The following SMPD3 variants were observed in gnomAD, a reference collection of about 807,000 sequenced individuals.
SMPD3 encodes the protein sphingomyelin phosphodiesterase 3.
A neutral mutation model predicts 55.7 loss-of-function variants in SMPD3; 21 were observed. The observed-to-expected ratio is 0.38, with a 90% CI of 0.27 to 0.54. The LOEUF (loss-of-function observed/expected upper bound fraction) is 0.54, where lower values mean the gene tolerates loss of function less well. Ranked by LOEUF, SMPD3 falls within the 20% of genes least tolerant of loss-of-function variation. SMPD3 has a pLI of 0.80. For synonymous variants in SMPD3, 457 were observed against 404.3 expected (o/e 1.13, Z -1.56); for missense variants, 842 against 899.6 (o/e 0.94, Z 0.82).
At position 68,370,761 on chromosome 16, in the gene SMPD3, C is replaced by T. The variant is rs111346792; in HGVS notation, c.1323+98G>A. ...CTCCCACTCCAACCTCCCACTCCAG[C>T]CCCCATGACGATGAGGACTCCCCGC... is the stretch of plus-strand genomic sequence containing the variant. On this transcript the variant is annotated intron_variant, in intron 3 of 8. Transcript: ENST00000219334. The T allele has an allele frequency of 1.6e-3, 2,340 of 1,479,002 alleles. 16 individuals carry two copies. The Middle Eastern group carries it at 0.017, about 10-fold the overall frequency. 91.6% of individuals were successfully genotyped at this position (1,479,002 alleles called of 1,614,324 possible).
In SMPD3 at chr16:68,361,005, T is replaced by TG. The variant is rs894888174; in HGVS notation, c.*200dup. On this transcript the variant is annotated 3_prime_UTR_variant, in exon 9 of 9. Transcript: ENST00000219334. Reference sequence around the variant, plus strand: ...CACTGGTTAGGCAGCTGGAGGCTCCTGGGGCGGGCCTGACTCCTCTGTCCA... The same window carrying TG: ...CACTGGTTAGGCAGCTGGAGGCTCCTGGGGGCGGGCCTGACTCCTCTGTCCA... The TG allele has an allele frequency of 7.0e-6, 4 of 570,710 alleles. No homozygotes were observed. In the African/African-American group the frequency reaches 7.5e-5, roughly 11 times the overall value. The allele number at this position is 570,710 out of a possible 1,614,324, so 35.4% of individuals were successfully genotyped here.
At chr16:68,425,395 C>G (rs550026113) in intron 1 of SMPD3, among the ~76,000 whole-genome samples, 18 of 152,306 alleles carry the variant, frequency 1.2e-4, no homozygotes, top group African/African-American at 4.3e-4. Flanking sequence ...TCTCCTCCAG[C>G]TGGATGGTTC....
At chr16:68,428,284 G>A (rs1433172828) in intron 1 of SMPD3, among the ~76,000 whole-genome samples, 3 of 152,192 alleles carry the variant, frequency 2.0e-5, no homozygotes, top group Non-Finnish European at 2.9e-5. Flanking sequence ...GCAATAAACC[G>A]TGTATGATCA....
At chr16:68,414,104 T>C (rs1227312076) in intron 1 of SMPD3, among the ~76,000 whole-genome samples, 1 of 152,226 alleles carries the variant, frequency 6.6e-6, no homozygotes, top group African/African-American at 2.4e-5. Context: ...TCTGTTCCCA[T>C]AGTCTAACAG....
rs781342103 is a variant in SMPD3, at chr16:68,371,922, G to A, written c.260C>T (p.Pro87Leu). The change falls in exon 3 of 9, where the codon CCA (proline) becomes CTA (leucine). Residue 87 changes from proline (P) to leucine (L), a missense_variant. Physicochemically the swap from Pro to Leu is moderately conservative, Grantham distance 98. Around this residue, in one of 2 missense-constraint regions of SMPD3, gnomAD observed 193 missense variants for 256.0 expected, o/e 0.75. Transcript: ENST00000219334. ...FAFLGFLFWSPLQSARRPYIY... is the reference protein window; with the variant it reads ...FAFLGFLFWSLLQSARRPYIY... ...GTAGGGCCGGCGGGCCGACTGCAGT[G>A]GGGACCAGAAGAGAAAGCCGAGAAA... 6.2e-7 allele frequency: 1 copy of A among 1,611,524 alleles called. No individual in the cohort carries two copies. The highest frequency in any genetic ancestry group is 8.5e-7 in the Non-Finnish European group (1 of 1,179,590).
chr16:68,365,646 G>A (rs938276647), intron 3 of SMPD3, among the ~76,000 whole-genome samples: 1 of 152,090 alleles, frequency 6.6e-6, no homozygotes, highest in Admixed American at 6.5e-5. Context: ...TTTATAGGCC[G>A]TGGTCCCGTT....
intron 3 of SMPD3, 74 bp downstream of exon 3, chr16:68,370,785 G>A (rs970385432): frequency 5.7e-6 from 9 of 1,569,188 alleles, no homozygotes; most frequent in South Asian, 4.7e-5. Flanking sequence ...AGGACTCCCC[G>A]CTGCAGCCCC....
At position 68,384,174 on chromosome 16, in the gene SMPD3, C is replaced by T. The variant is rs568614722; in HGVS notation, c.-207+2424G>A. Among the ~76,000 whole-genome samples, 3 of 152,336 alleles carry T rather than the reference C, an allele frequency of 2.0e-5. No individual in the cohort carries two copies. The East Asian group carries it at 5.8e-4, about 29-fold the overall frequency. ...TCCTGGAGCTCCAGGGGCCCTGACCCGAGCAGTCCCCCACTGTGCCCTTCC... is the reference window on the plus strand; with the variant it reads ...TCCTGGAGCTCCAGGGGCCCTGACCTGAGCAGTCCCCCACTGTGCCCTTCC... On this transcript the variant is annotated intron_variant, in intron 2 of 8. Transcript: ENST00000219334.
chr16:68,379,136 T>C (rs1184502404), intron 2 of SMPD3, among the ~76,000 whole-genome samples: 2 of 152,258 alleles, frequency 1.3e-5, no homozygotes, highest in East Asian at 3.8e-4. Flanking sequence ...GCAAACCTCC[T>C]GTGGCTCCCC....
chr16:68,397,971 G>C (rs565192550), intron 1 of SMPD3, among the ~76,000 whole-genome samples: 3 of 149,284 alleles, frequency 2.0e-5, no homozygotes, highest in African/African-American at 4.8e-5. Context: ...CCACAGGGAG[G>C]AATATGCCCC....
chr16:68,402,635 G>A (rs1048878155), intron 1 of SMPD3, among the ~76,000 whole-genome samples: 3 of 152,026 alleles, frequency 2.0e-5, no homozygotes, highest in Non-Finnish European at 2.9e-5. Flanking sequence ...TGCCAGCCCC[G>A]ATGACCAACA....
intron 6 of SMPD3, 102 bp from the exon 7 acceptor site, chr16:68,363,661 G>T (rs2089385608): frequency 1.4e-5 from 20 of 1,440,236 alleles, no homozygotes; most frequent in Non-Finnish European, 1.9e-5. Context: ...CTAGCCAGGG[G>T]CAGCTGAATG....
intron 1 of SMPD3, among the ~76,000 whole-genome samples, chr16:68,421,157 C>T (rs1198733881): frequency 2.0e-5 from 3 of 152,174 alleles, no homozygotes; most frequent in African/African-American, 7.2e-5. Context: ...ACCAGCATGT[C>T]GGCACCAACT....
intron 1 of SMPD3, among the ~76,000 whole-genome samples, chr16:68,441,126 C>G (rs1294051565): frequency 3.3e-5 from 5 of 152,178 alleles, no homozygotes; most frequent in Non-Finnish European, 2.9e-5. Flanking sequence ...TAAGCTTCCT[C>G]CAATAGTAAT....
intron 1 of SMPD3, among the ~76,000 whole-genome samples, chr16:68,411,990 G>A (rs2090305349): frequency 6.6e-6 from 1 of 152,150 alleles, no homozygotes; most frequent in South Asian, 2.1e-4. Flanking sequence ...TGGCTGGGAG[G>A]CCAGCATGCC....
chr16:68,405,865 G>A (rs1045008676), intron 1 of SMPD3, among the ~76,000 whole-genome samples: 4 of 152,152 alleles, frequency 2.6e-5, no homozygotes, highest in Non-Finnish European at 4.4e-5. Flanking sequence ...AGCTGAGCCT[G>A]ATCCCTGGAG....
chr16:68,424,264 C>A lies in SMPD3; in HGVS notation c.-269+24089G>T, dbSNP rs530052168. On this transcript the variant is annotated intron_variant, in intron 1 of 8. Transcript: ENST00000219334. ...GATGTAATTATCCTAAAGATACCAT[C>A]TTGAAGCTTTGAATCCTGAACTCCC... is the stretch of plus-strand genomic sequence containing the variant. Among the ~76,000 whole-genome samples the A allele has an allele frequency of 9.9e-5, 15 of 152,050 alleles. 1 individual carries two copies. In the South Asian group the frequency reaches 3.1e-3, roughly 32 times the overall value.
chr16:68,364,978 C>T (rs1337862042), intron 4 of SMPD3, 39 bp downstream of exon 4: 5 of 1,613,730 alleles, frequency 3.1e-6, no homozygotes, highest in Non-Finnish European at 4.2e-6. Context: ...AGGCACTGAT[C>T]CCATGCCTAG....
chr16:68,363,827 T>C lies in SMPD3; in HGVS notation c.1595A>G (p.Tyr532Cys), dbSNP rs761503738. The C allele has an allele frequency of 6.4e-7, 1 of 1,571,476 alleles. No individual in the cohort carries two copies. The highest frequency in any genetic ancestry group is 2.3e-5 in the East Asian group (1 of 42,968). The change falls in exon 6 of 9, where the codon TAC (tyrosine) becomes TGC (cysteine). Residue 532 changes from tyrosine (Y) to cysteine (C), a missense_variant. This residue lies in a region of SMPD3 where 649 missense variants were observed against 643.6 expected (regional missense o/e 1.01). Transcript: ENST00000219334. ...LEQQHSLFTH[Y>C]RDPCRLGPGE... ...AGGCCCCAGGCGGCAGGGGTCCCTG[T>C]AGTGGGTGAACAGGGAGTGTTGCTG...
Sources: gnomAD v4.1 joint callset for allele counts (sites outside exome capture counted in the v4.1 genomes callset) on GRCh38, gnomAD v4.1.1 for gene constraint, gnomAD v4.1.1 regional missense constraint, MANE v1.5 for transcripts, NCBI Gene and HGNC (gene_info 2026-07-23, HGNC 2026-07-21) for gene names.